ZNF292: variants seen among roughly 807,000 people sequenced by gnomAD.
ZNF292 encodes the protein zinc finger protein 292.
A neutral mutation model predicts 217.9 loss-of-function variants in ZNF292; 26 were observed. The observed-to-expected ratio is 0.12, with a 90% CI of 0.09 to 0.17. The LOEUF (loss-of-function observed/expected upper bound fraction) is 0.17, where lower values mean the gene tolerates loss of function less well. Ranked by LOEUF, ZNF292 falls within the 10% of genes least tolerant of loss-of-function variation. The probability of loss-of-function intolerance (pLI) is 1.00; values close to 1 mark genes in which losing one functional copy is unlikely to be tolerated. For synonymous variants in ZNF292, 1,257 were observed against 1,124.1 expected (o/e 1.12, Z -2.37); for missense variants, 2,904 against 3,175.2 (o/e 0.91, Z 2.05).
chr6:87,160,403 A>G (rs1163927714), intron 1 of ZNF292, among the ~76,000 whole-genome samples: 1 of 152,120 alleles, frequency 6.6e-6, no homozygotes, highest in Non-Finnish European at 1.5e-5. Flanking sequence ...ATTGATCAGT[A>G]GTGATCTGGT....
At position 87,243,501 on chromosome 6, in the gene ZNF292, A is replaced by T. The variant is rs1436394754; in HGVS notation, c.768A>T (p.Ala256=). 1 of 1,548,618 alleles carries T rather than the reference A, an allele frequency of 6.5e-7. No homozygotes were observed. The highest frequency in any genetic ancestry group is 8.7e-7 in the Non-Finnish European group (1 of 1,147,546). ...EEISEVDCKD[A]LEMICNLESE... is the part of the protein sequence containing the mutation. ...TTTCAGAAGTTGATTGCAAAGATGC[A>T]CTGGAAATGATCTGTAACTTAGAAT... The change falls in exon 6 of 8, where the codon GCA becomes GCT. Residue 256 remains alanine (A), a synonymous_variant. Transcript: ENST00000369577.
At chr6:87,253,220 C>CTTTT (rs66511840) in intron 7 of ZNF292, among the ~76,000 whole-genome samples, 4,833 of 118,350 alleles carry the variant, frequency 0.041, 225 homozygotes, top group African/African-American at 0.1. Flanking sequence ...CATGCCCAGC[C>CTTTT]TTTTTTTTTT....
intron 7 of ZNF292, among the ~76,000 whole-genome samples, chr6:87,254,092 TA>T (rs1372234793): frequency 6.6e-6 from 1 of 152,210 alleles, no homozygotes; most frequent in African/African-American, 2.4e-5. Flanking sequence ...TAGGGATTAG[TA>T]CCTTATTTTA....
intron 3 of ZNF292, among the ~76,000 whole-genome samples, chr6:87,217,202 A>G (rs181605926): frequency 6.6e-6 from 1 of 152,200 alleles, no homozygotes; most frequent in African/African-American, 2.4e-5. Flanking sequence ...CTTAAACTTT[A>G]GAAGCATGTA....
intron 4 of ZNF292, among the ~76,000 whole-genome samples, chr6:87,228,029 A>G (rs1212649182): frequency 2.6e-5 from 4 of 152,168 alleles, no homozygotes; most frequent in Admixed American, 6.5e-5. Context: ...ACTGTTTTCC[A>G]TAGAGGGTAC....
intron 3 of ZNF292, 71 bp from the exon 4 acceptor site, chr6:87,218,525 T>A: frequency 7.7e-7 from 1 of 1,302,444 alleles, no homozygotes; most frequent in African/African-American, 1.5e-5. Flanking sequence ...TTTAGTGTTA[T>A]ATTTAAAGCC....
Position 87,198,857 on chromosome 6 carries a change from T to C in ZNF292, c.169-17046T>C, listed in dbSNP as rs539877655. ...TATCAAATATTTCATTCCTTTTTAT[T>C]GTTGAAAAATATTCAGCCATATGGA... On this transcript the variant is annotated intron_variant, in intron 1 of 7. Transcript: ENST00000369577. 2.6e-5 allele frequency among the ~76,000 whole-genome samples: 4 copies of C among 152,366 alleles called. No homozygotes were observed. The South Asian group carries it at 8.3e-4, about 32-fold the overall frequency.
At chr6:87,198,013 G>C (rs1210479640) in intron 1 of ZNF292, among the ~76,000 whole-genome samples, 1 of 152,062 alleles carries the variant, frequency 6.6e-6, no homozygotes, top group Non-Finnish European at 1.5e-5. Flanking sequence ...TTTAAGCAAT[G>C]TTTAATAGAT....
intron 7 of ZNF292, chr6:87,249,373 G>T (rs77807809): frequency 0.022 from 9,530 of 427,262 alleles, 138 homozygotes; most frequent in Middle Eastern, 0.055. Flanking sequence ...GTAATTCTCC[G>T]TGCCTTGGCC....
chr6:87,233,650 G>T, intron 5 of ZNF292, 123 bp downstream of exon 5: 1 of 1,454,094 alleles, frequency 6.9e-7, no homozygotes, highest in South Asian at 1.5e-5. Context: ...TTACATTTTT[G>T]GTATGTTCTT....
chr6:87,254,345 C>T (rs1358036469), intron 7 of ZNF292, among the ~76,000 whole-genome samples: 1 of 152,116 alleles, frequency 6.6e-6, no homozygotes, highest in East Asian at 1.9e-4. Context: ...CTGTTTTGAC[C>T]TCTGTTTTAT....
intron 4 of ZNF292, among the ~76,000 whole-genome samples, chr6:87,225,816 G>C (rs977141281): frequency 3.9e-5 from 6 of 152,132 alleles, no homozygotes; most frequent in African/African-American, 1.4e-4. Context: ...AAGAGTAGAA[G>C]AAATATACTT....
rs927190217 is a variant in ZNF292 at position 87,259,018 on chromosome 6, T to A, written c.5389T>A (p.Ser1797Thr). The change falls in exon 8 of 8, where the codon TCA becomes ACA. Residue 1797 changes from serine (S) to threonine (T), a missense_variant. Ser to Thr is a moderately conservative substitution (Grantham distance 58). This residue lies in a region of ZNF292 where 622 missense variants were observed against 573.1 expected (regional missense o/e 1.09). Transcript: ENST00000369577. ...AQINYNIQLP[S>T]VNTVQNNKLP... The stretch of plus-strand genomic sequence containing the variant: ...AATAAATTATAACATTCAGCTTCCT[T>A]CAGTAAACACTGTGCAAAATAACAA... 3.1e-6 allele frequency: 5 copies of A among 1,613,444 alleles called. No individual in the cohort carries two copies. The highest frequency in any genetic ancestry group is 4.2e-6 in the Non-Finnish European group (5 of 1,179,704).
At chr6:87,160,614 ATG>A (rs1032300560) in intron 1 of ZNF292, among the ~76,000 whole-genome samples, 17 of 150,914 alleles carry the variant, frequency 1.1e-4, no homozygotes, top group African/African-American at 3.2e-4. Flanking sequence ...CATATATACG[ATG>A]TGTGTGTGTA....
intron 4 of ZNF292, chr6:87,223,322 T>A (rs1431282707): frequency 6.5e-6 from 1 of 152,842 alleles, no homozygotes; most frequent in African/African-American, 2.4e-5. Flanking sequence ...TGACCTCAAG[T>A]GATCCACCTG....
chr6:87,171,821 T>G (rs1425955992), intron 1 of ZNF292, among the ~76,000 whole-genome samples: 1 of 152,206 alleles, frequency 6.6e-6, no homozygotes. Flanking sequence ...GTCTGGCACA[T>G]CTACTTGTAA....
At chr6:87,190,784 T>G (rs907683331) in intron 1 of ZNF292, among the ~76,000 whole-genome samples, 9 of 152,204 alleles carry the variant, frequency 5.9e-5, no homozygotes, top group African/African-American at 9.6e-5. Flanking sequence ...AAAGGAACAT[T>G]TAAATAGTTA....
chr6:87,261,903 G>A lies in ZNF292; in HGVS notation c.*102G>A. ...ACTTTCATTATATTTTTTTGTTGTT[G>A]ACATGAATTAACCTGGCCAAAAACA... is the stretch of plus-strand genomic sequence containing the variant. On this transcript the variant is annotated 3_prime_UTR_variant, in exon 8 of 8. Transcript: ENST00000369577. 13 of 907,932 alleles carry A rather than the reference G, an allele frequency of 1.4e-5. No homozygotes were observed. The highest frequency in any genetic ancestry group is 6.7e-5 in the South Asian group (2 of 29,838). 56.2% of individuals were successfully genotyped at this position (907,932 alleles called of 1,614,324 possible).
chr6:87,212,235 G>A (rs1054584509), intron 1 of ZNF292, among the ~76,000 whole-genome samples: 1 of 152,180 alleles, frequency 6.6e-6, no homozygotes, highest in Non-Finnish European at 1.5e-5. Flanking sequence ...CTGTCTCTGT[G>A]GAGTTGGGAT....
Sources: gnomAD v4.1 joint callset for allele counts (sites outside exome capture counted in the v4.1 genomes callset) on GRCh38, gnomAD v4.1.1 for gene constraint, gnomAD v4.1.1 regional missense constraint, MANE v1.5 for transcripts, NCBI Gene and HGNC (gene_info 2026-07-23, HGNC 2026-07-21) for gene names.